Variants in PDXDC1 observed in about 807,000 individuals in gnomAD.
PDXDC1 encodes pyridoxal-dependent decarboxylase domain-containing protein 1.
In PDXDC1, 42 loss-of-function variants were observed where a neutral mutation model predicts 100.1. The ratio of observed to expected loss-of-function variants is 0.42; its 90% CI spans 0.33 to 0.54. The LOEUF is 0.54. PDXDC1 is among the 20% of genes least tolerant of loss of function. The pLI, the probability that PDXDC1 is intolerant of heterozygous loss-of-function variation, is 0.10. For synonymous variants in PDXDC1, 260 were observed against 371.7 expected (o/e 0.70, Z 3.46); for missense variants, 636 against 979.2 (o/e 0.65, Z 4.68).
At chr16:14,984,069 G>A (rs1359786723) in intron 1 of PDXDC1, among the ~76,000 whole-genome samples, 1 of 152,254 alleles carries the variant, frequency 6.6e-6, no homozygotes, top group African/African-American at 2.4e-5. Flanking sequence ...AGGCTGAGGT[G>A]AGAGGATCGC....
At chr16:15,080,149 A>G (rs549123518) in intron 16 of PDXDC1, 14 of 1,530,872 alleles carry the variant, frequency 9.1e-6, no homozygotes, top group African/African-American at 5.6e-5. Flanking sequence ...AACGTTTCAC[A>G]GTTATGTAAG....
intron 11 of PDXDC1, among the ~76,000 whole-genome samples, chr16:15,017,979 A>G (rs1175673739): frequency 6.6e-6 from 1 of 152,094 alleles, no homozygotes; most frequent in Non-Finnish European, 1.5e-5. Flanking sequence ...TTTTTAGTAG[A>G]GGCAGTGTTT....
At chr16:15,016,401 GT>G (rs1331157955) in intron 9 of PDXDC1, 188 bp downstream of exon 9, 2 of 1,321,336 alleles carry the variant, frequency 1.5e-6, no homozygotes, top group African/African-American at 3.0e-5. Context: ...AAAGAGCAGT[GT>G]TATGACTGCC....
At chr16:15,069,120 A>G (rs948286378) in intron 16 of PDXDC1, among the ~76,000 whole-genome samples, 3 of 152,252 alleles carry the variant, frequency 2.0e-5, no homozygotes, top group East Asian at 1.9e-4. Context: ...AATGCAACAC[A>G]TACAACTTTC....
the PDXDC1 span, among the ~76,000 whole-genome samples, chr16:15,150,143 G>C: frequency 6.6e-6 from 1 of 151,800 alleles, no homozygotes; most frequent in Non-Finnish European, 1.5e-5. Context: ...AGGAGATCCA[G>C]ACCATCCTGG....
intron 16 of PDXDC1, among the ~76,000 whole-genome samples, chr16:15,085,952 C>T (rs2045901386): frequency 6.6e-6 from 1 of 152,130 alleles, no homozygotes; most frequent in African/African-American, 2.4e-5. Context: ...AAACTCACAG[C>T]AACAAATGAA....
At chr16:14,980,225 A>G (rs558216904) in intron 1 of PDXDC1, among the ~76,000 whole-genome samples, 1 of 152,402 alleles carries the variant, frequency 6.6e-6, no homozygotes, top group East Asian at 1.9e-4. Context: ...CTAGGATTAT[A>G]TGAGTTATAG....
downstream of PDXDC1, among the ~76,000 whole-genome samples, chr16:15,142,809 C>T (rs1187624077): frequency 3.3e-5 from 5 of 151,842 alleles, no homozygotes; most frequent in South Asian, 2.1e-4. Flanking sequence ...TGATGCCCTG[C>T]CCCCACGTTC....
intron 16 of PDXDC1, among the ~76,000 whole-genome samples, chr16:15,090,466 G>A (rs1238878124): frequency 1.3e-5 from 2 of 152,246 alleles, no homozygotes; most frequent in East Asian, 3.9e-4. Flanking sequence ...TTTAAACATG[G>A]CATGCACCTA....
intron 16 of PDXDC1, among the ~76,000 whole-genome samples, chr16:15,088,138 A>T (rs1183084710): frequency 6.6e-6 from 1 of 151,882 alleles, no homozygotes; most frequent in African/African-American, 2.4e-5. Flanking sequence ...AAAAAAGTAA[A>T]TCAGTTGCAG....
At chr16:15,030,859 C>T (rs371650777) in intron 16 of PDXDC1, among the ~76,000 whole-genome samples, 11 of 152,208 alleles carry the variant, frequency 7.2e-5, no homozygotes, top group African/African-American at 2.4e-4. Flanking sequence ...TCTCACTCCC[C>T]ACTGCACATT....
chr16:15,122,272 G>A (rs2047460486), intron 16 of PDXDC1, among the ~76,000 whole-genome samples: 1 of 149,776 alleles, frequency 6.7e-6, no homozygotes, highest in Admixed American at 6.7e-5. Context: ...GTGCAGCGGG[G>A]CCATCTCGGC....
At chr16:15,149,500 C>T in the PDXDC1 span, among the ~76,000 whole-genome samples, 6 of 152,304 alleles carry the variant, frequency 3.9e-5, no homozygotes, top group South Asian at 2.1e-4. Flanking sequence ...GTGGCAGTTG[C>T]GCTCTAAGGC....
chr16:15,040,544 G>C (rs1374282599), downstream of PDXDC1: 2 of 174,320 alleles, frequency 1.1e-5, no homozygotes, highest in African/African-American at 2.4e-5. Context: ...CTCGGAAATA[G>C]AGCCGATTCC....
At chr16:15,151,472 T>G in the PDXDC1 span, among the ~76,000 whole-genome samples, 1 of 73,692 alleles carries the variant, frequency 1.4e-5, no homozygotes, top group Non-Finnish European at 2.8e-5. Flanking sequence ...CTAATTGCAG[T>G]GTGTGGACCT....
At chr16:15,044,158 G>A (rs367983768) in intron 16 of PDXDC1, among the ~76,000 whole-genome samples, 7 of 152,080 alleles carry the variant, frequency 4.6e-5, no homozygotes, top group African/African-American at 1.2e-4. Context: ...CCCTACACAT[G>A]AGCTCCACGC....
At chr16:15,133,242 T>G (rs2048193874) in intron 16 of PDXDC1, 2 of 1,450,722 alleles carry the variant, frequency 1.4e-6, no homozygotes, top group Non-Finnish European at 1.9e-6. Flanking sequence ...AGATGTGAGG[T>G]CCCCTGCCAG....
intron 16 of PDXDC1, among the ~76,000 whole-genome samples, chr16:15,091,993 A>C (rs1598018696): frequency 6.6e-6 from 1 of 152,186 alleles, no homozygotes; most frequent in East Asian, 1.9e-4. Context: ...CCTGGCCAAC[A>C]TGGTGAAACC....
Position 15,034,360 on chromosome 16 carries a change from A to G in PDXDC1, c.1887A>G (p.Glu629=), listed in dbSNP as rs1395035297. 1.2e-6 allele frequency: 2 copies of G among 1,613,376 alleles called. No individual in the cohort carries two copies. Among genetic ancestry groups the G allele is most frequent in the African/African-American group, 2.7e-5 (2 of 74,922 alleles). The change falls in exon 20 of 23, where the codon GAA becomes GAG. Residue 629 remains glutamate (E), a synonymous_variant. Coordinates refer to ENST00000396410, the MANE Select transcript of PDXDC1 (RefSeq NM_015027.4). ...AAGTGGAGCTGCAGAAGGCAAGTGA[A>G]GAACGGCTTCTGGAAGAGGTGAGGC... The part of the protein sequence containing the change: ...EAQVELQKAS[E]ERLLEEGVLR...
Sources: gnomAD v4.1 joint callset for allele counts (sites outside exome capture counted in the v4.1 genomes callset) on GRCh38, gnomAD v4.1.1 for gene constraint, MANE v1.5 for transcripts, NCBI Gene and HGNC (gene_info 2026-07-23, HGNC 2026-07-21) for gene names.